The following FGA variants were observed in gnomAD, a reference collection of about 807,000 sequenced individuals.
The protein encoded by FGA is fibrinogen, A alpha polypeptide.
In FGA, 20 loss-of-function variants were observed where a neutral mutation model predicts 20.3. That is an observed-to-expected ratio of 0.99 (90% CI 0.69 to 1.43). FGA has a LOEUF of 1.43. FGA is among the 40% of genes most tolerant of loss of function. The probability of loss-of-function intolerance (pLI) is 0.00; values close to 1 mark genes in which losing one functional copy is unlikely to be tolerated. For synonymous variants in FGA, 306 were observed against 281.6 expected (o/e 1.09, Z -0.87); for missense variants, 777 against 784.7 (o/e 0.99, Z 0.12).
rs2110820334 is a variant in FGA, at chr4:154,589,561, G to GTCTTTAAAGATTCAT, written c.55-14_55dup (p.Trp18_Thr19insAsnGluSerLeuLys). On this transcript the variant is annotated inframe_insertion and splice_region_variant, in exon 2 of 5. Transcript: ENST00000403106. ...AAAGTCACCTTCACCACTATCTGCA[G>GTCTTTAAAGATTCAT]TCTTTAAAGATTCATTCACATACAC... The GTCTTTAAAGATTCAT allele has an allele frequency of 6.2e-7, 1 of 1,612,982 alleles. No homozygotes were observed. The highest frequency in any genetic ancestry group is 1.1e-5 in the South Asian group (1 of 91,086).
chr4:154,586,239 C>T lies in FGA; in HGVS notation c.1190G>A (p.Ser397Asn). The T allele has an allele frequency of 6.2e-7, 1 of 1,614,082 alleles. No individual in the cohort carries two copies. ...AGGCCTCGCGTTCCCAGAGCCTGGG[C>T]TATCTGGCCTAAAACTTCCAGATTC... ...HSESGSFRPD[S>N]PGSGNARPNN... The change falls in exon 5 of 5, where the codon AGC (serine) becomes AAC (asparagine). Residue 397 changes from serine (S) to asparagine (N), a missense_variant. Physicochemically the swap from Ser to Asn is conservative, Grantham distance 46 (BLOSUM62 1). Coordinates refer to ENST00000403106, the MANE Select transcript of FGA (RefSeq NM_021871.4).
chr4:154,585,203 C>A (rs1366454018), downstream of FGA: 43 of 1,300,656 alleles, frequency 3.3e-5, no homozygotes, highest in Non-Finnish European at 4.0e-5. Flanking sequence ...AGTTGGGTGA[C>A]AATTCTAATA....
intron 2 of FGA, 73 bp from the exon 3 acceptor site, chr4:154,589,049 C>CAAA: frequency 3.8e-6 from 5 of 1,327,902 alleles, no homozygotes; most frequent in Non-Finnish European, 5.4e-6. Context: ...TGTTTCCATG[C>CAAA]AGCCCCCATT....
Position 154,588,834 on chromosome 4 carries a change from T to A in FGA, c.323A>T (p.Asn108Ile). The stretch of plus-strand genomic sequence containing the variant: ...ATCGCCTCTCAAAATTTCCATTATA[T>A]TAGTGGTCAACGAATGAGAATCCTT... ...NNKDSHSLTT[N>I]IMEILRGDFS... is the part of the protein sequence containing the mutation. Residue 108 changes from asparagine to isoleucine, a missense_variant, in exon 3 of 5, where the codon AAT becomes ATT. Physicochemically the swap from Asn to Ile is moderately radical, Grantham distance 149 (BLOSUM62 -3). Coordinates refer to ENST00000403106, the MANE Select transcript of FGA (RefSeq NM_021871.4). The A allele has an allele frequency of 1.2e-6, 2 of 1,612,048 alleles. No homozygotes were observed. The highest frequency in any genetic ancestry group is 1.7e-6 in the Non-Finnish European group (2 of 1,178,980).
downstream of FGA, chr4:154,584,768 G>C: frequency 6.2e-7 from 1 of 1,614,042 alleles, no homozygotes; most frequent in Non-Finnish European, 8.5e-7. Context: ...CTGGATCCCG[G>C]TAGCTTGATA....
chr4:154,589,586 C>A (rs1311786195), intron 1 of FGA, 24 bp from the exon 2 acceptor site: 2 of 1,610,028 alleles, frequency 1.2e-6, no homozygotes, highest in Admixed American at 3.3e-5. Flanking sequence ...TTCACATACA[C>A]AAAAGAGAGC....
chr4:154,585,995 A>G lies in FGA; in HGVS notation c.1434T>C (p.Val478=). 1 of 1,614,072 alleles carries G rather than the reference A, an allele frequency of 6.2e-7. No homozygotes were observed. Among genetic ancestry groups the G allele is most frequent in the Non-Finnish European group, 8.5e-7 (1 of 1,179,942 alleles). Residue 478 remains valine (V), a synonymous_variant, in exon 5 of 5, where the codon GTT becomes GTC. Transcript: ENST00000403106. ...CTTCGGAGGTCACCACTTCTTTGGT[A>G]ACTTCTTTGTGACCATCAGGACCAA... ...TVIGPDGHKE[V]TKEVVTSEDG...
At chr4:154,584,060 T>G, downstream of FGA, 1 of 839,618 alleles carries the variant, frequency 1.2e-6, no homozygotes, top group Non-Finnish European at 1.7e-6. Context: ...TGCTTTACCT[T>G]TTGTATTTTC....
At chr4:154,590,566 G>T in intron 1 of FGA, 68 bp downstream of exon 1, 2 of 1,310,974 alleles carry the variant, frequency 1.5e-6, no homozygotes, top group South Asian at 1.3e-5. Flanking sequence ...GGTAGACTCT[G>T]ACCTCCAGGC....
intron 3 of FGA, 144 bp from the exon 4 acceptor site, chr4:154,587,801 A>AAGAAAGAAAGAG (rs1261716298): frequency 1.4e-5 from 10 of 693,270 alleles, no homozygotes; most frequent in African/African-American, 1.2e-4. Flanking sequence ...GAAAGAAAGA[A>AAGAAAGAAAGAG]AGAGAAAAAA....
chr4:154,586,642 T>C lies in FGA; in HGVS notation c.787A>G (p.Arg263Gly). The C allele has an allele frequency of 6.2e-7, 1 of 1,614,078 alleles. No individual in the cohort carries two copies. Among genetic ancestry groups the C allele is most frequent in the Non-Finnish European group, 8.5e-7 (1 of 1,179,986 alleles). The stretch of plus-strand genomic sequence containing the variant: ...CGAGTAATCTCATTTCCACCAGGTC[T>C]CTCTAACTCCATTCTCATCTGCGGC... ...DMPQMRMELE[R>G]PGGNEITRGG... Residue 263 changes from arginine (R) to glycine (G), a missense_variant, in exon 5 of 5, where the codon AGA becomes GGA. Physicochemically the swap from Arg to Gly is moderately radical, Grantham distance 125. Coordinates refer to ENST00000403106, the MANE Select transcript of FGA (RefSeq NM_021871.4).
intron 3 of FGA, 84 bp from the exon 4 acceptor site, chr4:154,587,741 GAAGGAGAAAGAA>G: frequency 1.6e-6 from 1 of 611,698 alleles, no homozygotes; most frequent in Non-Finnish European, 2.7e-6. Flanking sequence ...AGAAAGGAAG[GAAGGAGAAAGAA>G]AGAAAGAAAG....
intron 4 of FGA, 57 bp downstream of exon 4, chr4:154,587,455 C>T: frequency 2.0e-6 from 3 of 1,513,394 alleles, no homozygotes; most frequent in East Asian, 2.3e-5. Flanking sequence ...TAACTATCGC[C>T]TTCCTTTTCC....
At chr4:154,585,224 T>G, downstream of FGA, 1 of 1,325,094 alleles carries the variant, frequency 7.5e-7, no homozygotes. Context: ...GCACACACTT[T>G]GAATAGTGAA....
downstream of FGA, chr4:154,584,053 T>C (rs532222876): frequency 1.0e-4 from 129 of 1,272,072 alleles, no homozygotes; most frequent in Non-Finnish European, 1.4e-4. Flanking sequence ...TCTCAACTGC[T>C]TTACCTTTTG....
At position 154,586,341 on chromosome 4, in the gene FGA, C is replaced by G. The variant is rs772887890; in HGVS notation, c.1088G>C (p.Gly363Ala). ...RPGSTGTWNP[G>A]SSERGSAGHW... The stretch of plus-strand genomic sequence containing the variant: ...CCCAGCACTTCCGCGTTCAGAGCTG[C>G]CAGGATTCCAGGTTCCGGTACTACC... Residue 363 changes from glycine to alanine, a missense_variant, in exon 5 of 5, where the codon GGC becomes GCC. Coordinates refer to ENST00000403106, the MANE Select transcript of FGA (RefSeq NM_021871.4). 6.2e-7 allele frequency: 1 copy of G among 1,614,180 alleles called. No homozygotes were observed. Among genetic ancestry groups the G allele is most frequent in the Non-Finnish European group, 8.5e-7 (1 of 1,180,020 alleles).
In FGA at chr4:154,586,540, A is replaced by C. The variant is rs778270823; in HGVS notation, c.889T>G (p.Ser297Ala). 6.2e-7 allele frequency: 1 copy of C among 1,614,090 alleles called. No individual in the cohort carries two copies. The highest frequency in any genetic ancestry group is 1.1e-5 in the South Asian group (1 of 91,070). Residue 297 changes from serine (S) to alanine (A), a missense_variant, in exon 5 of 5, where the codon TCT (serine) becomes GCT (alanine). Ser to Ala is a moderately conservative substitution (Grantham distance 99). Coordinates refer to ENST00000403106, the MANE Select transcript of FGA (RefSeq NM_021871.4). The stretch of plus-strand genomic sequence containing the variant: ...GTACTTCCAGGTCCAGAGCTCCCAG[A>C]GTTCCAGCTTCCAGCACTGCTAGGG... ...RNPSSAGSWN[S>A]GSSGPGSTGN...
chr4:154,588,760 A>G (rs751701886), intron 3 of FGA, 33 bp downstream of exon 3: 19 of 1,485,462 alleles, frequency 1.3e-5, no homozygotes, highest in Non-Finnish European at 1.8e-5. Context: ...TGTTTCTGTT[A>G]TAAAGTCAAA....
Position 154,585,444 on chromosome 4 carries a change from A to C in FGA, c.*50T>G, listed in dbSNP as rs369606098. ...AATGACGTGTAACAGAGAGTTAAGA[A>C]GGAAATGCAAGGGGCCATGGGAACA... On this transcript the variant is annotated 3_prime_UTR_variant, in exon 5 of 5. Coordinates refer to ENST00000403106, the MANE Select transcript of FGA (RefSeq NM_021871.4). 151 of 1,319,342 alleles carry C rather than the reference A, an allele frequency of 1.1e-4. No homozygotes were observed. Among genetic ancestry groups the C allele is most frequent in the Non-Finnish European group, 1.6e-5 (15 of 917,216 alleles). The allele number at this position is 1,319,342 out of a possible 1,614,324, so 81.7% of individuals were successfully genotyped here.
Sources: allele counts gnomAD v4.1 joint callset, GRCh38; gene constraint gnomAD v4.1.1; transcripts MANE v1.5; gene names NCBI Gene and HGNC (gene_info 2026-07-23, HGNC 2026-07-21).